LDB2: variants seen among roughly 807,000 people sequenced by gnomAD.
LDB2 encodes LIM domain-binding protein 2.
LDB2 carries 12 observed loss-of-function variants against 44.3 expected under a neutral mutation model. That is an observed-to-expected ratio of 0.27 (90% CI 0.17 to 0.44). The LOEUF is 0.44. Among genes scored for constraint, LDB2 ranks in the 20% least tolerant of loss-of-function variants. LDB2 has a pLI of 1.00. For synonymous variants in LDB2, 164 were observed against 174.8 expected (o/e 0.94, Z 0.49); for missense variants, 344 against 473.5 (o/e 0.73, Z 2.54).
At chr4:16,545,264 G>C (rs17423615) in intron 5 of LDB2, among the ~76,000 whole-genome samples, 10,764 of 151,166 alleles carry the variant, frequency 0.071, 536 homozygotes, top group Non-Finnish European at 0.11. Context: ...GTTAGTCTGA[G>C]ATCCTGCAGG....
intron 2 of LDB2, among the ~76,000 whole-genome samples, chr4:16,640,176 C>A (rs1323310595): frequency 6.6e-6 from 1 of 152,160 alleles, no homozygotes; most frequent in Non-Finnish European, 1.5e-5. Context: ...GACTTATAAC[C>A]CTTCTATTCT....
chr4:16,833,687 C>T lies in LDB2; in HGVS notation c.132+64667G>A, dbSNP rs111714677. ...CCTCCCGAGTAGCTGGGACTACCGG[C>T]GCATGCCACCACGCCCAGCTAATTT... On this transcript the variant is annotated intron_variant, in intron 1 of 7. Transcript: ENST00000304523. Among the ~76,000 whole-genome samples the T allele has an allele frequency of 9.6e-4, 146 of 152,244 alleles. 4 individuals carry two copies. The East Asian group carries it at 0.022, about 23-fold the overall frequency.
chr4:16,665,907 G>A (rs752289720), intron 2 of LDB2, among the ~76,000 whole-genome samples: 1 of 152,172 alleles, frequency 6.6e-6, no homozygotes, highest in African/African-American at 2.4e-5. Context: ...ATGTGAAGAA[G>A]GAGGCAGAGA....
At chr4:16,874,252 T>G (rs2110368248) in intron 1 of LDB2, among the ~76,000 whole-genome samples, 1 of 152,174 alleles carries the variant, frequency 6.6e-6, no homozygotes, top group Non-Finnish European at 1.5e-5. Flanking sequence ...TTATATTATA[T>G]TTAATAAATA....
At position 16,798,034 on chromosome 4, in the gene LDB2, C is replaced by CA. The variant is rs1561265445; in HGVS notation, c.133-38775_133-38774insT. Among the ~76,000 whole-genome samples the CA allele has an allele frequency of 7.7e-4, 76 of 99,176 alleles. 1 individual carries two copies. The highest frequency in any genetic ancestry group is 3.2e-3 in the African/African-American group (71 of 22,334). 65.1% of individuals were successfully genotyped at this position (99,176 alleles called of 152,430 possible). ...TGGGCGACAGAGCAAGACTCTGTCT[C>CA]GAAAAAAAAAAAAAAAAAAGCTGTA... On this transcript the variant is annotated intron_variant, in intron 1 of 7. Coordinates refer to ENST00000304523, the MANE Select transcript of LDB2 (RefSeq NM_001290.5).
intron 1 of LDB2, among the ~76,000 whole-genome samples, chr4:16,809,004 C>T (rs548520051): frequency 1.3e-5 from 2 of 152,188 alleles, no homozygotes; most frequent in South Asian, 4.1e-4. Flanking sequence ...GGAATATAAG[C>T]CTAAGAATTA....
Position 16,672,822 on chromosome 4 carries a change from G to GCCTTCTTTCTTTCTTT in LDB2, c.236-76948_236-76947insAAAGAAAGAAAGAAGG, listed in dbSNP as rs1462326672. Among the ~76,000 whole-genome samples, 29 of 68,552 alleles carry GCCTTCTTTCTTTCTTT rather than the reference G, an allele frequency of 4.2e-4. 1 individual carries two copies. Among genetic ancestry groups the GCCTTCTTTCTTTCTTT allele is most frequent in the African/African-American group, 1.5e-3 (24 of 16,464 alleles). The allele number at this position is 68,552 out of a possible 152,430, so 45.0% of individuals were successfully genotyped here. On this transcript the variant is annotated intron_variant, in intron 2 of 7. Coordinates refer to ENST00000304523, the MANE Select transcript of LDB2 (RefSeq NM_001290.5). ...AGAAGAACTGCTTGCGTGCCTGCCT[G>GCCTTCTTTCTTTCTTT]CCTGCCTTCTTTCCTTCCTTCCTTC...
At chr4:16,508,482 G>GA in intron 7 of LDB2, 53 bp downstream of exon 7, 1 of 1,379,040 alleles carries the variant, frequency 7.3e-7, no homozygotes, top group Non-Finnish European at 9.6e-7. Flanking sequence ...TGGGCCCTTT[G>GA]AGTAGGAAGC....
intron 1 of LDB2, among the ~76,000 whole-genome samples, chr4:16,822,796 A>T (rs1275407804): frequency 1.3e-5 from 2 of 152,174 alleles, no homozygotes; most frequent in African/African-American, 4.8e-5. Context: ...GATTACAGGC[A>T]TGCACCACCG....
At chr4:16,798,846 T>TTTTA (rs903605059) in intron 1 of LDB2, among the ~76,000 whole-genome samples, 6 of 152,162 alleles carry the variant, frequency 3.9e-5, no homozygotes, top group South Asian at 2.1e-4. Context: ...GGGGTTTTCT[T>TTTTA]TTTATTTATT....
At chr4:16,734,648 T>C (rs988439723) in intron 2 of LDB2, among the ~76,000 whole-genome samples, 1 of 151,568 alleles carries the variant, frequency 6.6e-6, no homozygotes, top group African/African-American at 2.4e-5. Context: ...GTCTTGCCCA[T>C]GATTTCTCAC....
intron 2 of LDB2, among the ~76,000 whole-genome samples, chr4:16,625,228 C>T (rs906398988): frequency 2.6e-5 from 4 of 152,184 alleles, no homozygotes; most frequent in African/African-American, 7.2e-5. Flanking sequence ...CTTATAGCCC[C>T]TTTGAATCAG....
intron 1 of LDB2, among the ~76,000 whole-genome samples, chr4:16,855,755 ATTT>A (rs112619119): frequency 6.6e-6 from 1 of 152,090 alleles, no homozygotes. Flanking sequence ...AATGAGTGTG[ATTT>A]TTTTATTGTT....
chr4:16,514,407 G>A (rs780252596), intron 5 of LDB2, among the ~76,000 whole-genome samples: 15 of 152,124 alleles, frequency 9.9e-5, no homozygotes, highest in Non-Finnish European at 1.5e-4. Context: ...CAGGGCTTTC[G>A]AACAGATAAT....
chr4:16,808,077 T>C (rs1198867400), intron 1 of LDB2, among the ~76,000 whole-genome samples: 2 of 152,040 alleles, frequency 1.3e-5, no homozygotes, highest in African/African-American at 4.8e-5. Context: ...ACACTCAATA[T>C]AGTGTGTTGA....
intron 1 of LDB2, among the ~76,000 whole-genome samples, chr4:16,835,679 G>T (rs1332478693): frequency 6.6e-6 from 1 of 152,206 alleles, no homozygotes; most frequent in East Asian, 1.9e-4. Context: ...CAGGCAAAGA[G>T]TTTTAAAAGT....
chr4:16,864,794 G>A lies in LDB2; in HGVS notation c.132+33560C>T, dbSNP rs532454415. Among the ~76,000 whole-genome samples the A allele has an allele frequency of 1.0e-3, 156 of 152,032 alleles. 1 individual carries two copies. The highest frequency in any genetic ancestry group is 3.6e-3 in the African/African-American group (149 of 41,484). The stretch of plus-strand genomic sequence containing the variant: ...ACAAAAATTAGCTGGGCGTGGTGGC[G>A]GGCGCCTGTAATCCCAGCTACTTGG... On this transcript the variant is annotated intron_variant, in intron 1 of 7. Transcript: ENST00000304523.
chr4:16,695,631 T>C (rs953432796), intron 2 of LDB2, among the ~76,000 whole-genome samples: 1 of 152,130 alleles, frequency 6.6e-6, no homozygotes, highest in African/African-American at 2.4e-5. Context: ...GATTAAATAC[T>C]AAATATTTTA....
At chr4:16,875,133 CA>C (rs1717974280) in intron 1 of LDB2, among the ~76,000 whole-genome samples, 1 of 151,986 alleles carries the variant, frequency 6.6e-6, no homozygotes, top group Non-Finnish European at 1.5e-5. Context: ...CAAGGCAGGC[CA>C]GTCTGAGAAT....
Sources: allele counts gnomAD v4.1 joint callset (sites outside exome capture counted in the v4.1 genomes callset), GRCh38; gene constraint gnomAD v4.1.1; transcripts MANE v1.5; gene names NCBI Gene and HGNC (gene_info 2026-07-23, HGNC 2026-07-21).